The following SGK3 variants were observed in gnomAD, a reference collection of about 807,000 sequenced individuals.
The protein encoded by SGK3 is serum/glucocorticoid regulated kinase family member 3.
A neutral mutation model predicts 68.5 loss-of-function variants in SGK3; 47 were observed. The observed-to-expected ratio is 0.69, with a 90% CI of 0.54 to 0.87. SGK3 has a LOEUF of 0.87. Ranked by LOEUF, SGK3 falls within the 40% of genes least tolerant of loss-of-function variation. SGK3 has a pLI of 0.00. For synonymous variants in SGK3, 181 were observed against 189.1 expected, an observed-to-expected ratio of 0.96 and a Z score of 0.35; for missense variants, 479 against 575.5, an observed-to-expected ratio of 0.83 and a Z score of 1.72.
In SGK3 at chr8:66,850,501, AGCACT is replaced by A. The variant is rs369216533; in HGVS notation, c.1231-329_1231-325del. 4.2e-3 allele frequency among the ~76,000 whole-genome samples: 639 copies of A among 152,322 alleles called. 5 individuals carry two copies. Among genetic ancestry groups the A allele is most frequent in the African/African-American group, 0.015 (609 of 41,578 alleles). ...CTCTGTAGTGCTTTATTCTTTTCAT[AGCACT>A]TTACATCCATACTTTACACTGATCC... On this transcript the variant is annotated intron_variant, in intron 15 of 16. Transcript: ENST00000521198.
At position 66,748,354 on chromosome 8, in the gene SGK3, A is replaced by G. The variant is rs577283452; in HGVS notation, c.-122+35521A>G. On this transcript the variant is annotated intron_variant, in intron 1 of 16. Transcript: ENST00000521198. Reference sequence around the variant, plus strand: ...GATCCCTGACTGTGCTGAACTGGCAACCTATAAAAACAACAGTGAGTTGCT... The same window carrying G: ...GATCCCTGACTGTGCTGAACTGGCAGCCTATAAAAACAACAGTGAGTTGCT... 2.3e-4 allele frequency among the ~76,000 whole-genome samples: 35 copies of G among 152,346 alleles called. 1 individual carries two copies. In the South Asian group the frequency reaches 7.0e-3, roughly 31 times the overall value.
At chr8:66,846,571 C>T (rs1360738064) in intron 14 of SGK3, among the ~76,000 whole-genome samples, 2 of 152,166 alleles carry the variant, frequency 1.3e-5, no homozygotes, top group Non-Finnish European at 2.9e-5. Context: ...ACCTCAGCCC[C>T]CCAAAGTGCT....
At chr8:66,812,117 A>C (rs891557298) in intron 4 of SGK3, among the ~76,000 whole-genome samples, 1 of 152,226 alleles carries the variant, frequency 6.6e-6, no homozygotes, top group African/African-American at 2.4e-5. Flanking sequence ...GGTGACAAAC[A>C]CTATACATTA....
intron 16 of SGK3, among the ~76,000 whole-genome samples, chr8:66,851,786 A>G (rs1810298615): frequency 6.6e-6 from 1 of 152,188 alleles, no homozygotes; most frequent in South Asian, 2.1e-4. Flanking sequence ...CAACAGGGAA[A>G]TTGTTAATAA....
At chr8:66,755,270 A>C (rs545248259) in intron 1 of SGK3, among the ~76,000 whole-genome samples, 23 of 152,040 alleles carry the variant, frequency 1.5e-4, no homozygotes, top group Non-Finnish European at 2.6e-4. Flanking sequence ...AAAAAAAAAA[A>C]AAACGAAAAA....
At chr8:66,754,440 A>G (rs1453898616) in intron 1 of SGK3, among the ~76,000 whole-genome samples, 1 of 151,994 alleles carries the variant, frequency 6.6e-6, no homozygotes, top group Non-Finnish European at 1.5e-5. Context: ...CTTGACCACC[A>G]AGATTACTGA....
intron 14 of SGK3, among the ~76,000 whole-genome samples, chr8:66,846,088 T>G (rs960277031): frequency 2.6e-5 from 4 of 152,180 alleles, no homozygotes; most frequent in Non-Finnish European, 2.9e-5. Context: ...AATTGGGTTT[T>G]TTTTTGTTTT....
intron 2 of SGK3, among the ~76,000 whole-genome samples, chr8:66,795,185 A>G (rs7002479): frequency 0.13 from 19,350 of 152,152 alleles, 2,328 homozygotes; most frequent in African/African-American, 0.31. Context: ...GGTGGGGCTG[A>G]GTGCCGGAAA....
chr8:66,817,100 A>G (rs1011996650), intron 5 of SGK3, among the ~76,000 whole-genome samples: 1 of 151,992 alleles, frequency 6.6e-6, no homozygotes, highest in Admixed American at 6.5e-5. Context: ...GATTACAGGC[A>G]TGAGCCACCG....
At chr8:66,742,210 T>A (rs1258273705) in intron 1 of SGK3, among the ~76,000 whole-genome samples, 6 of 152,238 alleles carry the variant, frequency 3.9e-5, no homozygotes, top group African/African-American at 1.2e-4. Flanking sequence ...TATCAGAGAC[T>A]TGCTTGCTCT....
chr8:66,828,614 C>T, intron 6 of SGK3, 40 bp from the exon 7 acceptor site: 9 of 1,611,074 alleles, frequency 5.6e-6, no homozygotes, highest in Non-Finnish European at 7.6e-6. Context: ...ATTTTTGAAG[C>T]TCCAATAAGA....
chr8:66,822,197 TA>T (rs370319759), intron 5 of SGK3, among the ~76,000 whole-genome samples, 174 bp from the exon 6 acceptor site: 4,764 of 150,274 alleles, frequency 0.032, 258 homozygotes, highest in African/African-American at 0.11. Context: ...GTTTCTCTAT[TA>T]AAAAAAAAAT....
chr8:66,835,893 A>T (rs1247951529), intron 9 of SGK3, 47 bp downstream of exon 9: 1 of 1,609,400 alleles, frequency 6.2e-7, no homozygotes, highest in South Asian at 1.1e-5. Context: ...CTCAATTAAG[A>T]GAGCTGTTTT....
rs1424817126 is a variant in SGK3, at chr8:66,712,802, C to T, written c.-153C>T. ...AAGCGCAGTGCGTTCGGCTCCGCGC[C>T]CGCCGCGCCGGGAGCAGCACCGCGG... On this transcript the variant is annotated 5_prime_UTR_variant, in exon 1 of 17. Transcript: ENST00000521198. 1 of 151,290 alleles carries T rather than the reference C, an allele frequency of 6.6e-6. No individual in the cohort carries two copies. The highest frequency in any genetic ancestry group is 6.6e-5 in the Admixed American group (1 of 15,192). 9.4% of individuals were successfully genotyped at this position (151,290 alleles called of 1,614,324 possible). A position where few individuals can be genotyped will look rare whatever the true frequency, so the allele number is the denominator to read the frequency against.
intron 16 of SGK3, among the ~76,000 whole-genome samples, chr8:66,858,608 CTGTT>C (rs1300916909): frequency 6.6e-6 from 1 of 152,056 alleles, no homozygotes; most frequent in African/African-American, 2.4e-5. Context: ...CAATGAATCT[CTGTT>C]TGTGAGCCTT....
At position 66,740,665 on chromosome 8, in the gene SGK3, G is replaced by A. The variant is rs185374614; in HGVS notation, c.-122+27832G>A. 1.0e-3 allele frequency among the ~76,000 whole-genome samples: 152 copies of A among 152,238 alleles called. 1 individual carries two copies. Among genetic ancestry groups the A allele is most frequent in the Non-Finnish European group, 1.3e-3 (88 of 68,010 alleles). Reference sequence around the variant, plus strand: ...CTTACACCTGTAATCCCAGCACTTCGGGAGGCCGAGGTGGGTGGATCACCT... The same window carrying A: ...CTTACACCTGTAATCCCAGCACTTCAGGAGGCCGAGGTGGGTGGATCACCT... On this transcript the variant is annotated intron_variant, in intron 1 of 16. Transcript: ENST00000521198.
chr8:66,822,467 G>A lies in SGK3; in HGVS notation c.417+8G>A, dbSNP rs770314606. The A allele has an allele frequency of 5.0e-6, 8 of 1,609,504 alleles. No individual in the cohort carries two copies. On this transcript the variant is annotated splice_region_variant and intron_variant, in intron 6 of 16. Transcript: ENST00000521198. ...GAAAGAAGTTCTCAGAAGGTAGTAA[G>A]AGGAATTGCCTTTCTTAATAGAAAA...
intron 1 of SGK3, among the ~76,000 whole-genome samples, chr8:66,730,180 T>C (rs1805106407): frequency 6.6e-6 from 1 of 152,222 alleles, no homozygotes; most frequent in Non-Finnish European, 1.5e-5. Context: ...TATTTCATTG[T>C]AGTTTTGATT....
rs764810479 is a variant in SGK3, at chr8:66,845,693, C to CTTGCTTAT, written c.1075-1498_1075-1497insGCTTATTT. 5.0e-5 allele frequency among the ~76,000 whole-genome samples: 7 copies of CTTGCTTAT among 139,836 alleles called. No individual in the cohort carries two copies. The East Asian group carries it at 1.3e-3, about 25-fold the overall frequency. The allele number at this position is 139,836 out of a possible 152,430, so 91.7% of individuals were successfully genotyped here. The stretch of plus-strand genomic sequence containing the variant: ...GGCATGCACCACCCCACCTAGCTTG[C>CTTGCTTAT]TTATTTATTTATTTATTTATTTATT... On this transcript the variant is annotated intron_variant, in intron 14 of 16. Coordinates refer to ENST00000521198, the MANE Select transcript of SGK3 (RefSeq NM_001033578.3).
Sources: allele counts gnomAD v4.1 joint callset (sites outside exome capture counted in the v4.1 genomes callset), GRCh38; gene constraint gnomAD v4.1.1; transcripts MANE v1.5; gene names NCBI Gene and HGNC (gene_info 2026-07-23, HGNC 2026-07-21).